SPICE1: variants seen among roughly 807,000 people sequenced by gnomAD.
SPICE1 encodes spindle and centriole associated protein 1.
In SPICE1, 75 loss-of-function variants were observed where a neutral mutation model predicts 102.7. The ratio of observed to expected loss-of-function variants is 0.73; its 90% CI spans 0.61 to 0.88. SPICE1 has a LOEUF of 0.88. Ranked by LOEUF, SPICE1 falls within the 40% of genes least tolerant of loss-of-function variation. The probability of loss-of-function intolerance (pLI) is 0.00; values close to 1 mark genes in which losing one functional copy is unlikely to be tolerated. For synonymous variants in SPICE1, 308 were observed against 350.3 expected, an observed-to-expected ratio of 0.88 and a Z score of 1.35; for missense variants, 979 against 1,020.1, an observed-to-expected ratio of 0.96 and a Z score of 0.55.
intron 12 of SPICE1, chr3:113,459,454 AAC>A: frequency 1.0e-6 from 1 of 974,290 alleles, no homozygotes; most frequent in Non-Finnish European, 1.2e-6. Flanking sequence ...AACAAAACAA[AAC>A]AAAAAAAAAC....
chr3:113,473,980 G>A (rs1357809062), intron 7 of SPICE1, among the ~76,000 whole-genome samples: 1 of 151,984 alleles, frequency 6.6e-6, no homozygotes, highest in East Asian at 1.9e-4. Flanking sequence ...CAATTAAAAG[G>A]CACAGACTGG....
chr3:113,459,938 T>C, intron 12 of SPICE1: 1 of 984,116 alleles, frequency 1.0e-6, no homozygotes, highest in Non-Finnish European at 1.2e-6. Context: ...AGATGTGCCC[T>C]AGCCAATGAG....
chr3:113,512,317 T>C (rs1259508729), intron 1 of SPICE1, among the ~76,000 whole-genome samples: 2 of 152,150 alleles, frequency 1.3e-5, no homozygotes, highest in East Asian at 1.9e-4. Context: ...AGGTACACTT[T>C]AGCACCTGTA....
chr3:113,445,975 T>TA (rs1339798753), intron 17 of SPICE1, among the ~76,000 whole-genome samples: 1 of 152,184 alleles, frequency 6.6e-6, no homozygotes, highest in African/African-American at 2.4e-5. Flanking sequence ...CAATTTACCA[T>TA]AACCACTCAA....
At chr3:113,497,107 A>G (rs185037742) in intron 4 of SPICE1, among the ~76,000 whole-genome samples, 5 of 152,342 alleles carry the variant, frequency 3.3e-5, no homozygotes, top group East Asian at 3.9e-4. Flanking sequence ...TTTCTGGCCA[A>G]CAGGATATAT....
intron 4 of SPICE1, among the ~76,000 whole-genome samples, chr3:113,496,072 T>A (rs1936878470): frequency 6.7e-6 from 1 of 149,860 alleles, no homozygotes; most frequent in Non-Finnish European, 1.5e-5. Flanking sequence ...TTTTTTTTTT[T>A]TTTTTTTTTT....
intron 7 of SPICE1, among the ~76,000 whole-genome samples, chr3:113,471,302 TA>T (rs1343075651): frequency 6.6e-6 from 1 of 151,880 alleles, no homozygotes; most frequent in African/African-American, 2.4e-5. Context: ...ACATATTTTT[TA>T]AAAAAAATTT....
intron 7 of SPICE1, among the ~76,000 whole-genome samples, chr3:113,472,572 T>A (rs972896469): frequency 6.6e-6 from 1 of 152,262 alleles, no homozygotes; most frequent in African/African-American, 2.4e-5. Flanking sequence ...CGGCCGGGTA[T>A]TCCTCTGAGA....
chr3:113,502,662 TAAAAAA>T lies in SPICE1; in HGVS notation c.147+512_147+517del, dbSNP rs35248720. Among the ~76,000 whole-genome samples, 18 of 87,274 alleles carry T rather than the reference TAAAAAA, an allele frequency of 2.1e-4. No homozygotes were observed. The East Asian group carries it at 2.9e-3, about 14-fold the overall frequency. 57.3% of individuals were successfully genotyped at this position (87,274 alleles called of 152,430 possible). ...ATGTGAACTATATCTCAATAAATCTTAAAAAAAAAAAAAAAAAAAAAACCTAAGTGG... is the reference window on the plus strand; with the variant it reads ...ATGTGAACTATATCTCAATAAATCTTAAAAAAAAAAAAAAAACCTAAGTGG... On this transcript the variant is annotated intron_variant, in intron 3 of 17. Coordinates refer to ENST00000295872, the MANE Select transcript of SPICE1 (RefSeq NM_144718.4).
chr3:113,508,199 C>T (rs1486516892), intron 1 of SPICE1, among the ~76,000 whole-genome samples: 1 of 152,030 alleles, frequency 6.6e-6, no homozygotes, highest in Non-Finnish European at 1.5e-5. Context: ...AAGAGTAAAT[C>T]TTCGTGAGCC....
chr3:113,486,986 A>T (rs978429835), intron 7 of SPICE1, among the ~76,000 whole-genome samples: 6 of 151,908 alleles, frequency 3.9e-5, no homozygotes, highest in African/African-American at 1.4e-4. Context: ...GTTAGAAGGG[A>T]TAGGGGATGG....
intron 14 of SPICE1, among the ~76,000 whole-genome samples, chr3:113,452,723 T>C (rs1935685193): frequency 6.6e-6 from 1 of 152,088 alleles, no homozygotes; most frequent in South Asian, 2.1e-4. Flanking sequence ...CTCATGCCTG[T>C]AATTCCAGCA....
At chr3:113,461,780 T>C (rs1935939255) in intron 11 of SPICE1, among the ~76,000 whole-genome samples, 1 of 152,208 alleles carries the variant, frequency 6.6e-6, no homozygotes, top group Admixed American at 6.5e-5. Flanking sequence ...CTTAGAGAGA[T>C]ACAGACATTT....
intron 7 of SPICE1, among the ~76,000 whole-genome samples, chr3:113,481,875 A>C (rs1936515220): frequency 6.6e-6 from 1 of 152,198 alleles, no homozygotes; most frequent in East Asian, 1.9e-4. Flanking sequence ...TGCAATAAAC[A>C]TATGTGTCCA....
intron 1 of SPICE1, among the ~76,000 whole-genome samples, chr3:113,507,536 G>A (rs1200536367): frequency 1.3e-5 from 2 of 151,870 alleles, no homozygotes; most frequent in East Asian, 1.9e-4. Flanking sequence ...CTAAATACAA[G>A]TATTTCTTAA....
rs1407574026 is a variant in SPICE1 at position 113,499,556 on chromosome 3, C to T, written c.174G>A (p.Ser58=). The change falls in exon 4 of 18, where the codon TCG becomes TCA. Residue 58 remains serine (S), a synonymous_variant. Transcript: ENST00000295872. ...CCCAGTGTACTAATGCTCTATTCTT[C>T]GATTTGTGTATTTCATGACGGCGTA... ...DLVRRHEIHK[S]KNRALVHWEL... 5.0e-6 allele frequency: 8 copies of T among 1,611,030 alleles called. No homozygotes were observed. The highest frequency in any genetic ancestry group is 5.9e-6 in the Non-Finnish European group (7 of 1,179,050).
At chr3:113,511,917 A>C (rs2107512325) in intron 1 of SPICE1, among the ~76,000 whole-genome samples, 1 of 152,322 alleles carries the variant, frequency 6.6e-6, no homozygotes, top group South Asian at 2.1e-4. Context: ...ACTGTAAAGC[A>C]CATGCTGGAA....
chr3:113,502,117 T>A (rs1206527390), intron 3 of SPICE1, among the ~76,000 whole-genome samples: 2 of 152,190 alleles, frequency 1.3e-5, no homozygotes, highest in Admixed American at 6.5e-5. Flanking sequence ...GGCTCATGCC[T>A]ATAATACCAG....
At position 113,466,319 on chromosome 3, in the gene SPICE1, C is replaced by T. The variant is rs141606803; in HGVS notation, c.1156-535G>A. 1.2e-3 allele frequency among the ~76,000 whole-genome samples: 181 copies of T among 152,230 alleles called. 1 individual carries two copies. The highest frequency in any genetic ancestry group is 3.2e-3 in the African/African-American group (134 of 41,530). ...AACAAGTGATTAGCTTAAAAGTACA[C>T]GCTTCTGGTCGGGCGTGGTGGCTCA... is the stretch of plus-strand genomic sequence containing the variant. On this transcript the variant is annotated intron_variant, in intron 10 of 17. Transcript: ENST00000295872.
Sources: gnomAD v4.1 joint callset for allele counts (sites outside exome capture counted in the v4.1 genomes callset) on GRCh38, gnomAD v4.1.1 for gene constraint, MANE v1.5 for transcripts, NCBI Gene and HGNC (gene_info 2026-07-23, HGNC 2026-07-21) for gene names.